FAHD2A: variants seen among roughly 807,000 people sequenced by gnomAD.
The protein encoded by FAHD2A is oxaloacetate tautomerase FAHD2A, mitochondrial.
Under a neutral mutation model 33.4 loss-of-function variants are expected in FAHD2A, and 27 were observed. That is an observed-to-expected ratio of 0.81 (90% confidence interval 0.60 to 1.11). The LOEUF (loss-of-function observed/expected upper bound fraction) is 1.11. Ranked by LOEUF, FAHD2A falls within the 50% of genes most tolerant of loss-of-function variation. The pLI, the probability that FAHD2A is intolerant of heterozygous loss-of-function variation, is 0.00. For missense variants in FAHD2A, 296 were observed against 395.0 expected (o/e 0.75, Z 2.12); for synonymous variants, 130 against 153.3 (o/e 0.85, Z 1.12).
At chr2:95,411,737 T>C (rs1682549147) in intron 5 of FAHD2A, among the ~76,000 whole-genome samples, 1 of 152,252 alleles carries the variant, frequency 6.6e-6, no homozygotes. Flanking sequence ...CAGCATCCAG[T>C]ACACGAGGCT....
In FAHD2A at chr2:95,413,796, A is replaced by G; in HGVS notation, c.*839A>G. 2.8e-6 allele frequency: 2 copies of G among 710,336 alleles called. No homozygotes were observed. Among genetic ancestry groups the G allele is most frequent in the South Asian group, 3.6e-5 (2 of 55,982 alleles). 44.0% of individuals were successfully genotyped at this position (710,336 alleles called of 1,614,324 possible). A position where few individuals can be genotyped will look rare whatever the true frequency, so the allele number is the denominator to read the frequency against. ...GAAACCATCCCACCTTCTCCAACCC[A>G]TCACCACGTCTATTGCTGGAAGACA... is the stretch of plus-strand genomic sequence containing the variant. On this transcript the variant is annotated 3_prime_UTR_variant, in exon 8 of 8. Coordinates refer to ENST00000233379, the MANE Select transcript of FAHD2A (RefSeq NM_016044.3).
chr2:95,412,762 A>C lies in FAHD2A; in HGVS notation c.880A>C (p.Lys294Gln), dbSNP rs887900497. The stretch of plus-strand genomic sequence containing the variant: ...ATTCAGGAAACCTCCTGTCTTTCTC[A>C]AGGTAGGTTAGCGAAAAGCAAAGAG... ...GVFRKPPVFL[K>Q]KGDEVQCEIE... The change falls in exon 7 of 8, where the codon AAG (lysine) becomes CAG (glutamine). Residue 294 changes from lysine (K) to glutamine (Q), a missense_variant and splice_region_variant. Physicochemically the swap from Lys to Gln is moderately conservative, Grantham distance 53. Transcript: ENST00000233379. 6.2e-7 allele frequency: 1 copy of C among 1,613,994 alleles called. No homozygotes were observed. Among genetic ancestry groups the C allele is most frequent in the Non-Finnish European group, 8.5e-7 (1 of 1,180,000 alleles).
intron 3 of FAHD2A, among the ~76,000 whole-genome samples, chr2:95,409,562 G>T (rs1682150009): frequency 6.6e-6 from 1 of 152,134 alleles, no homozygotes; most frequent in Non-Finnish European, 1.5e-5. Context: ...ACCTGACTTG[G>T]CCTCCCACAG....
At chr2:95,404,632 C>T (rs1301060588) in intron 1 of FAHD2A, among the ~76,000 whole-genome samples, 1 of 152,236 alleles carries the variant, frequency 6.6e-6, no homozygotes, top group Non-Finnish European at 1.5e-5. Flanking sequence ...CTGAAGTTAA[C>T]AAGCACTAAG....
chr2:95,404,509 G>A (rs879004349), intron 1 of FAHD2A, among the ~76,000 whole-genome samples: 1 of 152,030 alleles, frequency 6.6e-6, no homozygotes, highest in Admixed American at 6.5e-5. Context: ...TGGCCAGGCT[G>A]GTCTTGAACT....
chr2:95,407,297 A>G (rs1681753244), intron 3 of FAHD2A, 140 bp downstream of exon 3: 5 of 1,273,642 alleles, frequency 3.9e-6, no homozygotes, highest in Non-Finnish European at 4.3e-6. Flanking sequence ...ACACAGTAGT[A>G]ACACTGGCCT....
In FAHD2A at chr2:95,414,184, G is replaced by A. The variant is rs1682935089; in HGVS notation, c.*1227G>A. On this transcript the variant is annotated 3_prime_UTR_variant, in exon 8 of 8. Coordinates refer to ENST00000233379, the MANE Select transcript of FAHD2A (RefSeq NM_016044.3). ...GAGTTGGGTTGTCACTGTCCGGCAG[G>A]GGGCAGCAGCCACCAGCAAACACCA... 3 of 1,579,954 alleles carry A rather than the reference G, an allele frequency of 1.9e-6. No homozygotes were observed. Among genetic ancestry groups the A allele is most frequent in the Non-Finnish European group, 2.6e-6 (3 of 1,164,456 alleles).
chr2:95,412,814 T>C lies in FAHD2A; in HGVS notation c.882+50T>C, dbSNP rs560138445. The C allele has an allele frequency of 1.3e-5, 21 of 1,614,204 alleles. No individual in the cohort carries two copies. In the South Asian group the frequency reaches 2.2e-4, roughly 17 times the overall value. On this transcript the variant is annotated intron_variant, in intron 7 of 7. Coordinates refer to ENST00000233379, the MANE Select transcript of FAHD2A (RefSeq NM_016044.3). ...AAGGGCCCCAAAGGCCTGGCAGGCT[T>C]GCCTCAGACTTGAGAAGTACAGGCT...
At position 95,412,904 on chromosome 2, in the gene FAHD2A, G is replaced by T; in HGVS notation, c.892G>T (p.Glu298Ter). The change falls in exon 8 of 8, where the codon GAA becomes TAA. Residue 298 changes from glutamate (E) to a stop codon, truncating the protein, a stop_gained. Coordinates refer to ENST00000233379, the MANE Select transcript of FAHD2A (RefSeq NM_016044.3). LOFTEE classifies it high-confidence loss of function. ...GCCTGCTCTGTTGCAGAAGGGGGAT[G>T]AAGTCCAGTGTGAGATTGAAGAACT... Reference protein sequence around the residue: ...KPPVFLKKGDEVQCEIEELGV... With the variant: ...KPPVFLKKGD 6.2e-7 allele frequency: 1 copy of T among 1,614,246 alleles called. No individual in the cohort carries two copies.
downstream of FAHD2A, among the ~76,000 whole-genome samples, chr2:95,420,288 A>C (rs185355465): frequency 1.1e-4 from 16 of 152,134 alleles, no homozygotes; most frequent in African/African-American, 3.4e-4. Context: ...CATCACAGAC[A>C]TACAGCAGGT....
downstream of FAHD2A, among the ~76,000 whole-genome samples, chr2:95,417,842 C>T (rs1683251554): frequency 6.6e-6 from 1 of 152,082 alleles, no homozygotes; most frequent in African/African-American, 2.4e-5. Context: ...GGGCTCCATC[C>T]CCATGACCCA....
Position 95,414,392 on chromosome 2 carries a change from G to A in FAHD2A, c.*1435G>A, listed in dbSNP as rs959547525. ...GTGGAGCTGGGAAAACAGAGGATGT[G>A]GTGGGATGGGGAAGGAAAGGTTGTG... On this transcript the variant is annotated 3_prime_UTR_variant, in exon 8 of 8. Transcript: ENST00000233379. 7.9e-6 allele frequency: 5 copies of A among 636,836 alleles called. No homozygotes were observed. Among genetic ancestry groups the A allele is most frequent in the African/African-American group, 7.3e-5 (4 of 54,686 alleles). The allele number at this position is 636,836 out of a possible 1,614,324, so 39.4% of individuals were successfully genotyped here.
In FAHD2A at chr2:95,415,602, A is replaced by G. The variant is rs1360669000; in HGVS notation, c.*2645A>G. 1 of 152,556 alleles carries G rather than the reference A, an allele frequency of 6.6e-6. No homozygotes were observed. Among genetic ancestry groups the G allele is most frequent in the Non-Finnish European group, 1.5e-5 (1 of 68,032 alleles). The allele number at this position is 152,556 out of a possible 1,614,324, so 9.5% of individuals were successfully genotyped here. A position where few individuals can be genotyped will look rare whatever the true frequency, so the allele number is the denominator to read the frequency against. ...TCTTCTGCCTGTCAGGCAGGCGGCA[A>G]CACTCTCCATGTATCACTCGCCAGC... is the stretch of plus-strand genomic sequence containing the variant. On this transcript the variant is annotated 3_prime_UTR_variant, in exon 8 of 8. Coordinates refer to ENST00000233379, the MANE Select transcript of FAHD2A (RefSeq NM_016044.3).
In FAHD2A at chr2:95,412,932, G is replaced by C. The variant is rs751509706; in HGVS notation, c.920G>C (p.Gly307Ala). The C allele has an allele frequency of 4.4e-5, 71 of 1,614,078 alleles. 1 individual carries two copies. In the South Asian group the frequency reaches 7.7e-4, roughly 17 times the overall value. The change falls in exon 8 of 8, where the codon GGT becomes GCT. Residue 307 changes from glycine (G) to alanine (A), a missense_variant. Coordinates refer to ENST00000233379, the MANE Select transcript of FAHD2A (RefSeq NM_016044.3). Reference protein sequence around the residue: ...DEVQCEIEELGVIINKVV With the variant: ...DEVQCEIEELAVIINKVV ...GTCCAGTGTGAGATTGAAGAACTAGGTGTCATCATCAACAAGGTGGTGTGA... is the reference window on the plus strand; with the variant it reads ...GTCCAGTGTGAGATTGAAGAACTAGCTGTCATCATCAACAAGGTGGTGTGA...
intron 5 of FAHD2A, among the ~76,000 whole-genome samples, chr2:95,411,977 C>T (rs1220766677): frequency 6.6e-6 from 1 of 152,158 alleles, no homozygotes; most frequent in Admixed American, 6.5e-5. Flanking sequence ...TTTGTAGAGA[C>T]AAGCACTCAC....
At chr2:95,411,878 T>C (rs1261889216) in intron 5 of FAHD2A, among the ~76,000 whole-genome samples, 1 of 152,160 alleles carries the variant, frequency 6.6e-6, no homozygotes, top group Non-Finnish European at 1.5e-5. Context: ...CTCAACCTCC[T>C]GAGTTCAAGC....
intron 5 of FAHD2A, among the ~76,000 whole-genome samples, chr2:95,411,911 G>A (rs1682583159): frequency 6.6e-6 from 1 of 152,150 alleles, no homozygotes; most frequent in Non-Finnish European, 1.5e-5. Context: ...TCAGCCTCCT[G>A]AGTAGCTGGG....
Position 95,405,715 on chromosome 2 carries a change from A to G in FAHD2A, c.157A>G (p.Ile53Val), listed in dbSNP as rs748753202. 5.1e-5 allele frequency: 82 copies of G among 1,613,982 alleles called. No individual in the cohort carries two copies. The highest frequency in any genetic ancestry group is 6.5e-5 in the Non-Finnish European group (77 of 1,180,010). ...GLETGNGGGV[I>V]NLNAFDPTLP... ...GGAGACAGGGAATGGTGGAGGGGTT[A>G]TCAACCTCAATGCCTTTGACCCCAC... The change falls in exon 2 of 8, where the codon ATC (isoleucine) becomes GTC (valine). Residue 53 changes from isoleucine (I) to valine (V), a missense_variant. Transcript: ENST00000233379.
chr2:95,413,697 C>A lies in FAHD2A; in HGVS notation c.*740C>A, dbSNP rs547632069. The A allele has an allele frequency of 5.9e-6, 6 of 1,022,172 alleles. 1 individual carries two copies. The highest frequency in any genetic ancestry group is 5.3e-5 in the East Asian group (2 of 37,728). 63.3% of individuals were successfully genotyped at this position (1,022,172 alleles called of 1,614,324 possible). A position where few individuals can be genotyped will look rare whatever the true frequency, so the allele number is the denominator to read the frequency against. On this transcript the variant is annotated 3_prime_UTR_variant, in exon 8 of 8. Coordinates refer to ENST00000233379, the MANE Select transcript of FAHD2A (RefSeq NM_016044.3). ...CCCCTTAGGCCTCAGTGTTTGAGTGCAAATGCTGCCTCAAAGCAGCCCCAA... is the reference window on the plus strand; with the variant it reads ...CCCCTTAGGCCTCAGTGTTTGAGTGAAAATGCTGCCTCAAAGCAGCCCCAA...
Sources: gnomAD v4.1 joint callset for allele counts (sites outside exome capture counted in the v4.1 genomes callset) on GRCh38, gnomAD v4.1.1 for gene constraint, MANE v1.5 for transcripts, NCBI Gene and HGNC (gene_info 2026-07-23, HGNC 2026-07-21) for gene names.